TDRD3: variants seen among roughly 807,000 people sequenced by gnomAD.
TDRD3 encodes the protein tudor domain containing 3, also known as tudor domain-containing protein 3.
Under a neutral mutation model 86.7 loss-of-function variants are expected in TDRD3, and 45 were observed. The ratio of observed to expected loss-of-function variants is 0.52; its 90% CI spans 0.41 to 0.67. The LOEUF (loss-of-function observed/expected upper bound fraction) is 0.67. Among genes scored for constraint, TDRD3 ranks in the 30% least tolerant of loss-of-function variants. The pLI is 0.00. For missense variants in TDRD3, 814 were observed against 889.0 expected, an observed-to-expected ratio of 0.92 and a Z score of 1.07; for synonymous variants, 298 against 301.7, an observed-to-expected ratio of 0.99 and a Z score of 0.13.
chr13:60,510,133 AC>A (rs1347714275), intron 9 of TDRD3, among the ~76,000 whole-genome samples: 1 of 152,206 alleles, frequency 6.6e-6, no homozygotes, highest in Non-Finnish European at 1.5e-5. Context: ...CAACAACAAA[AC>A]AAAAACAAAA....
At chr13:60,427,338 A>C (rs925323428) in intron 1 of TDRD3, among the ~76,000 whole-genome samples, 10 of 146,014 alleles carry the variant, frequency 6.8e-5, no homozygotes, top group Non-Finnish European at 1.4e-4. Flanking sequence ...AATAGTGTTA[A>C]ATTGTAAAGA....
At chr13:60,531,233 C>T (rs1205212907) in intron 11 of TDRD3, among the ~76,000 whole-genome samples, 1 of 152,198 alleles carries the variant, frequency 6.6e-6, no homozygotes, top group African/African-American at 2.4e-5. Context: ...ATTAGGAAGA[C>T]TTGAAAAGCA....
chr13:60,529,334 A>G, intron 11 of TDRD3, 117 bp downstream of exon 11: 1 of 1,133,706 alleles, frequency 8.8e-7, no homozygotes, highest in East Asian at 2.5e-5. Context: ...GTACCTGTTT[A>G]AAATCTTTGA....
intron 8 of TDRD3, among the ~76,000 whole-genome samples, chr13:60,498,710 G>A (rs1261828351): frequency 1.3e-5 from 2 of 152,142 alleles, no homozygotes; most frequent in Admixed American, 6.5e-5. Context: ...TTTATGCAGT[G>A]AGTCTTTCTT....
At chr13:60,479,012 G>T (rs1306352938) in intron 5 of TDRD3, among the ~76,000 whole-genome samples, 5 of 151,502 alleles carry the variant, frequency 3.3e-5, no homozygotes, top group African/African-American at 1.2e-4. Flanking sequence ...TCACCATCTT[G>T]GCCGGGCTGG....
chr13:60,401,550 G>GACC (rs1954102976), intron 1 of TDRD3, among the ~76,000 whole-genome samples: 1 of 152,160 alleles, frequency 6.6e-6, no homozygotes, highest in Non-Finnish European at 1.5e-5. Context: ...TTACCCAGTA[G>GACC]TTTGAGTTGA....
intron 1 of TDRD3, among the ~76,000 whole-genome samples, chr13:60,421,759 C>T (rs1219715672): frequency 6.6e-6 from 1 of 152,174 alleles, no homozygotes; most frequent in Non-Finnish European, 1.5e-5. Flanking sequence ...TCCACACACT[C>T]CTGTGCCAAT....
At chr13:60,553,586 G>A (rs1029755775) in intron 12 of TDRD3, among the ~76,000 whole-genome samples, 6 of 151,644 alleles carry the variant, frequency 4.0e-5, no homozygotes, top group Middle Eastern at 3.2e-3. Flanking sequence ...ATTGACTCAC[G>A]GTTCTGCATG....
intron 1 of TDRD3, among the ~76,000 whole-genome samples, chr13:60,399,360 G>T (rs1301323235): frequency 6.6e-6 from 1 of 152,188 alleles, no homozygotes; most frequent in East Asian, 1.9e-4. Flanking sequence ...ACCTGTCTGT[G>T]CTGCTTCTGT....
chr13:60,446,533 C>T (rs1284034663), intron 3 of TDRD3, among the ~76,000 whole-genome samples: 1 of 152,008 alleles, frequency 6.6e-6, no homozygotes, highest in African/African-American at 2.4e-5. Context: ...GGCCTTCTCA[C>T]AGAATTATTC....
intron 12 of TDRD3, among the ~76,000 whole-genome samples, chr13:60,540,753 TATA>T (rs1398016718): frequency 4.6e-5 from 7 of 152,162 alleles, no homozygotes; most frequent in Non-Finnish European, 7.4e-5. Flanking sequence ...AATAACATAT[TATA>T]ATCTATTTAA....
rs890719626 is a variant in TDRD3 at position 60,542,017 on chromosome 13, G to A, written c.2118+6784G>A. On this transcript the variant is annotated intron_variant, in intron 12 of 13. Coordinates refer to ENST00000377881, the MANE Select transcript of TDRD3 (RefSeq NM_001146070.2). ...GCTGGGATTACAGTCGTGAGCCACC[G>A]CACCTGGCCTCCTTCAGCATATTCT... Among the ~76,000 whole-genome samples the A allele has an allele frequency of 3.5e-4, 53 of 151,936 alleles. 1 individual carries two copies. The highest frequency in any genetic ancestry group is 3.9e-4 in the East Asian group (2 of 5,178).
At chr13:60,498,841 G>A (rs565356310) in intron 8 of TDRD3, among the ~76,000 whole-genome samples, 2 of 152,124 alleles carry the variant, frequency 1.3e-5, no homozygotes, top group African/African-American at 4.8e-5. Flanking sequence ...GATTCCAGGG[G>A]ACCCAAAATG....
At chr13:60,408,801 C>G (rs1402290962) in intron 1 of TDRD3, among the ~76,000 whole-genome samples, 1 of 152,192 alleles carries the variant, frequency 6.6e-6, no homozygotes, top group Non-Finnish European at 1.5e-5. Flanking sequence ...AAAAGAAAAA[C>G]CCATTTTCTA....
intron 1 of TDRD3, among the ~76,000 whole-genome samples, chr13:60,432,837 C>T (rs2137924957): frequency 6.6e-6 from 1 of 152,132 alleles, no homozygotes; most frequent in East Asian, 1.9e-4. Context: ...TTCTTTGTGG[C>T]TAAGCAAGAA....
At chr13:60,469,854 T>C (rs1441448399) in intron 5 of TDRD3, among the ~76,000 whole-genome samples, 3 of 152,198 alleles carry the variant, frequency 2.0e-5, no homozygotes, top group East Asian at 1.9e-4. Context: ...AAACTGTAGA[T>C]TAAAAAATGT....
At chr13:60,534,098 GC>G (rs1179549279) in intron 11 of TDRD3, among the ~76,000 whole-genome samples, 1 of 152,082 alleles carries the variant, frequency 6.6e-6, no homozygotes, top group Non-Finnish European at 1.5e-5. Context: ...ATCACTTGAG[GC>G]CAAGAGTTTG....
At chr13:60,554,964 T>C (rs974922371) in intron 12 of TDRD3, among the ~76,000 whole-genome samples, 2 of 152,164 alleles carry the variant, frequency 1.3e-5, no homozygotes, top group African/African-American at 4.8e-5. Flanking sequence ...ATGTAATATA[T>C]CTAGTAGTCC....
At chr13:60,421,744 A>G (rs999902459) in intron 1 of TDRD3, among the ~76,000 whole-genome samples, 3 of 152,166 alleles carry the variant, frequency 2.0e-5, no homozygotes, top group Non-Finnish European at 4.4e-5. Context: ...AGCCAGCCCC[A>G]TGGTTCCACA....
Sources: gnomAD v4.1 joint callset for allele counts (sites outside exome capture counted in the v4.1 genomes callset) on GRCh38, gnomAD v4.1.1 for gene constraint, MANE v1.5 for transcripts, NCBI Gene and HGNC (gene_info 2026-07-23, HGNC 2026-07-21) for gene names.